The following MYO10 variants were observed in gnomAD, a reference collection of about 807,000 sequenced individuals.
MYO10 encodes unconventional myosin-X.
A neutral mutation model predicts 257.3 loss-of-function variants in MYO10; 133 were observed. The observed-to-expected ratio is 0.52, with a 90% CI of 0.45 to 0.60. MYO10 has a LOEUF of 0.60. Among genes scored for constraint, MYO10 ranks in the 20% least tolerant of loss-of-function variants. MYO10 has a pLI of 0.00. For synonymous variants in MYO10, 1,104 were observed against 1,028.6 expected (o/e 1.07, Z -1.40); for missense variants, 2,399 against 2,635.7 (o/e 0.91, Z 1.97).
intron 17 of MYO10, among the ~76,000 whole-genome samples, chr5:16,759,233 G>A (rs1027090668): frequency 2.6e-4 from 39 of 152,164 alleles, no homozygotes; most frequent in Non-Finnish European, 1.3e-4. Flanking sequence ...AGCCTTCAAT[G>A]ATTTTTAAAT....
chr5:16,772,805 G>A lies in MYO10; in HGVS notation c.931-3602C>T, dbSNP rs951222706. 7.2e-5 allele frequency among the ~76,000 whole-genome samples: 11 copies of A among 152,330 alleles called. No individual in the cohort carries two copies. In the East Asian group the frequency reaches 1.2e-3, roughly 16 times the overall value. On this transcript the variant is annotated intron_variant, in intron 9 of 40. Coordinates refer to ENST00000513610, the MANE Select transcript of MYO10 (RefSeq NM_012334.3). ...CGTGCCACATGGATGGCTGGAGGAA[G>A]CTGGATACAGGACACTACATAGTGC...
chr5:16,773,714 T>TA, intron 9 of MYO10, among the ~76,000 whole-genome samples: 1 of 138,786 alleles, frequency 7.2e-6, no homozygotes, highest in Non-Finnish European at 1.6e-5. Context: ...AACTGCCAAA[T>TA]AAAAAATATT....
At chr5:16,702,846 T>G in intron 23 of MYO10, 79 bp downstream of exon 23, 1 of 1,313,408 alleles carries the variant, frequency 7.6e-7, no homozygotes, top group Non-Finnish European at 1.0e-6. Context: ...TGCTGGGATT[T>G]CTGGCTGCAC....
intron 21 of MYO10, among the ~76,000 whole-genome samples, chr5:16,708,921 C>T (rs1001332810): frequency 1.3e-5 from 2 of 152,150 alleles, no homozygotes; most frequent in Non-Finnish European, 2.9e-5. Flanking sequence ...GCCAAGAGCT[C>T]CACTTGAGCC....
chr5:16,749,892 T>C (rs1560964595), intron 19 of MYO10, among the ~76,000 whole-genome samples: 1 of 152,222 alleles, frequency 6.6e-6, no homozygotes, highest in Non-Finnish European at 1.5e-5. Flanking sequence ...TTCTGAAGAA[T>C]GTTAATGAGA....
intron 2 of MYO10, among the ~76,000 whole-genome samples, chr5:16,853,108 C>T (rs1009259854): frequency 1.6e-4 from 24 of 152,076 alleles, no homozygotes; most frequent in East Asian, 3.9e-4. Flanking sequence ...CGGCGGCTCA[C>T]GCCTGTAATC....
intron 3 of MYO10, among the ~76,000 whole-genome samples, chr5:16,801,294 G>A (rs947229072): frequency 3.3e-5 from 5 of 152,106 alleles, no homozygotes; most frequent in Admixed American, 1.3e-4. Flanking sequence ...TGCAGCCTCC[G>A]CCTCCCGGGT....
intron 2 of MYO10, among the ~76,000 whole-genome samples, chr5:16,836,941 C>T (rs1388997148): frequency 6.6e-6 from 1 of 152,116 alleles, no homozygotes; most frequent in Non-Finnish European, 1.5e-5. Flanking sequence ...GGAAACAACC[C>T]AAATGGTTGT....
At chr5:16,722,225 T>C (rs1185431114) in intron 19 of MYO10, among the ~76,000 whole-genome samples, 1 of 152,196 alleles carries the variant, frequency 6.6e-6, no homozygotes, top group Non-Finnish European at 1.5e-5. Flanking sequence ...TGTACTTGCA[T>C]GAGGATGTGA....
At chr5:16,882,736 C>G (rs1744789438) in intron 1 of MYO10, among the ~76,000 whole-genome samples, 1 of 152,008 alleles carries the variant, frequency 6.6e-6, no homozygotes, top group Non-Finnish European at 1.5e-5. Context: ...GAATGGCTAC[C>G]CAGAGCTGGG....
rs70943811 is a variant in MYO10 at position 16,852,050 on chromosome 5, C to CAA, written c.120+25557_120+25558dup. ...TGGGTGACAAAGCAAGACTCCATCT[C>CAA]AAAAAAAAAAAAAAAAAAAAAAAAA... is the stretch of plus-strand genomic sequence containing the variant. On this transcript the variant is annotated intron_variant, in intron 2 of 40. Coordinates refer to ENST00000513610, the MANE Select transcript of MYO10 (RefSeq NM_012334.3). Among the ~76,000 whole-genome samples, 63 of 42,566 alleles carry CAA rather than the reference C, an allele frequency of 1.5e-3. 2 individuals are homozygous for CAA. Among genetic ancestry groups the CAA allele is most frequent in the African/African-American group, 3.1e-3 (42 of 13,502 alleles). The allele number at this position is 42,566 out of a possible 152,430, so 27.9% of individuals were successfully genotyped here.
intron 1 of MYO10, among the ~76,000 whole-genome samples, chr5:16,935,189 T>G (rs1347408345): frequency 6.6e-6 from 1 of 152,186 alleles, no homozygotes; most frequent in African/African-American, 2.4e-5. Context: ...AAAATCTGCA[T>G]GGACACTCTA....
intron 28 of MYO10, among the ~76,000 whole-genome samples, chr5:16,689,127 G>A (rs772726193): frequency 5.3e-5 from 8 of 152,158 alleles, no homozygotes; most frequent in Non-Finnish European, 1.0e-4. Context: ...GATACTAACC[G>A]TTCTCTGTAC....
chr5:16,690,372 C>A (rs576645157), intron 27 of MYO10, among the ~76,000 whole-genome samples: 1 of 152,262 alleles, frequency 6.6e-6, no homozygotes, highest in East Asian at 1.9e-4. Context: ...CACCAAAAGA[C>A]ATGGAGGGAC....
At chr5:16,910,182 G>C (rs954666571) in intron 1 of MYO10, among the ~76,000 whole-genome samples, 1 of 152,168 alleles carries the variant, frequency 6.6e-6, no homozygotes, top group African/African-American at 2.4e-5. Flanking sequence ...CAACAATGTA[G>C]ATGCACTGGC....
At chr5:16,902,787 C>T (rs776154166) in intron 1 of MYO10, 2 of 618,276 alleles carry the variant, frequency 3.2e-6, no homozygotes, top group Non-Finnish European at 5.7e-6. Flanking sequence ...CAGGCGTAAG[C>T]CACCGTGCCC....
chr5:16,792,877 G>A (rs1741814404), intron 4 of MYO10, among the ~76,000 whole-genome samples: 1 of 151,592 alleles, frequency 6.6e-6, no homozygotes, highest in Non-Finnish European at 1.5e-5. Flanking sequence ...CCCCTCCCCC[G>A]ACATCACCCG....
intron 24 of MYO10, 29 bp downstream of exon 24, chr5:16,702,514 A>G (rs778681664): frequency 5.7e-6 from 9 of 1,577,644 alleles, no homozygotes; most frequent in African/African-American, 2.7e-5. Context: ...TAGAAACACA[A>G]GAGGCTAAGT....
chr5:16,757,313 C>T (rs1385548507), intron 18 of MYO10, among the ~76,000 whole-genome samples: 1 of 47,564 alleles, frequency 2.1e-5, no homozygotes, highest in Non-Finnish European at 6.3e-5. Flanking sequence ...CACACACACA[C>T]ACGCACACAC....
Sources: allele counts gnomAD v4.1 joint callset (sites outside exome capture counted in the v4.1 genomes callset), GRCh38; gene constraint gnomAD v4.1.1; transcripts MANE v1.5; gene names NCBI Gene and HGNC (gene_info 2026-07-23, HGNC 2026-07-21).